The following SFXN3 variants were observed in gnomAD, a reference collection of about 807,000 sequenced individuals.
SFXN3 encodes the protein sideroflexin 3, also known as sideroflexin-3.
A neutral mutation model predicts 40.4 loss-of-function variants in SFXN3; 31 were observed. The ratio of observed to expected loss-of-function variants is 0.77; its 90% CI spans 0.58 to 1.04. SFXN3 has a LOEUF of 1.04. Ranked by LOEUF, SFXN3 falls within the 50% of genes least tolerant of loss-of-function variation. The pLI is 0.00. For missense variants in SFXN3, 366 were observed against 408.2 expected (o/e 0.90, Z 0.89); for synonymous variants, 157 against 160.0 (o/e 0.98, Z 0.14).
In SFXN3 at chr10:101,036,629, C is replaced by A; in HGVS notation, c.507+68C>A. 1 of 1,612,538 alleles carries A rather than the reference C, an allele frequency of 6.2e-7. No individual in the cohort carries two copies. Among genetic ancestry groups the A allele is most frequent in the Non-Finnish European group, 8.5e-7 (1 of 1,179,090 alleles). On this transcript the variant is annotated intron_variant, in intron 6 of 11. Coordinates refer to ENST00000393459, the Ensembl canonical transcript of SFXN3. This position sits in a 1 kb window ranked among gnomAD's most constrained non-coding sequence, Gnocchi z 4.2. ...TCTGCCTCCTTCTTCCTCATCACACCTCCAGTTCTGACCTATATGCCCCCT... is the reference window on the plus strand; with the variant it reads ...TCTGCCTCCTTCTTCCTCATCACACATCCAGTTCTGACCTATATGCCCCCT...
intron 2 of SFXN3, 89 bp from the exon 3 acceptor site, chr10:101,034,603 G>T: frequency 1.4e-6 from 2 of 1,425,886 alleles, no homozygotes; most frequent in Admixed American, 1.9e-5. Context: ...GATAAGCTCA[G>T]GGGCCAGGGC....
Position 101,034,176 on chromosome 10 carries a change from G to A in SFXN3, c.-3-516G>A, listed in dbSNP as rs1590086824. Among the ~76,000 whole-genome samples the A allele has an allele frequency of 2.0e-5, 3 of 151,918 alleles. No homozygotes were observed. In the East Asian group the frequency reaches 5.8e-4, roughly 29 times the overall value. Reference sequence around the variant, plus strand: ...CCCACGAGGCCATATTTCAGACTATGCATGGGAAGAAACCTTGGACGATAC... The same window carrying A: ...CCCACGAGGCCATATTTCAGACTATACATGGGAAGAAACCTTGGACGATAC... On this transcript the variant is annotated intron_variant, in intron 2 of 11. Transcript: ENST00000393459.
intron 3 of SFXN3, among the ~76,000 whole-genome samples, chr10:101,035,106 A>T (rs996763924): frequency 6.6e-6 from 1 of 152,232 alleles, no homozygotes; most frequent in African/African-American, 2.4e-5. Context: ...GATCTATCCC[A>T]TTGCGGGGTC....
chr10:101,032,717 G>T (rs1938353017), intron 2 of SFXN3, among the ~76,000 whole-genome samples: 1 of 152,186 alleles, frequency 6.6e-6, no homozygotes, highest in South Asian at 2.1e-4. Context: ...TTGAAGGCCG[G>T]TGTATACAGG....
chr10:101,034,196 C>T (rs922078581), intron 2 of SFXN3, among the ~76,000 whole-genome samples: 2 of 152,138 alleles, frequency 1.3e-5, no homozygotes, highest in Non-Finnish European at 2.9e-5. Flanking sequence ...AAACCTTGGA[C>T]GATACCCCGC....
intron 9 of SFXN3, 132 bp from the exon 10 acceptor site, chr10:101,038,511 G>A: frequency 6.4e-7 from 1 of 1,550,908 alleles, no homozygotes. Context: ...TCATTGCCTT[G>A]GGAGAAAGAA....
intron 3 of SFXN3, among the ~76,000 whole-genome samples, 189 bp from the exon 4 acceptor site, chr10:101,035,308 T>A (rs1023773353): frequency 1.3e-5 from 2 of 152,134 alleles, no homozygotes; most frequent in African/African-American, 4.8e-5. Flanking sequence ...ATAAGGGAAA[T>A]AGAAATAGGA....
Position 101,035,494 on chromosome 10 carries a change from C to T in SFXN3, c.162-3C>T, listed in dbSNP as rs375636717. On this transcript the variant is annotated splice_polypyrimidine_tract_variant and splice_region_variant and intron_variant, in intron 3 of 11. Transcript: ENST00000393459. Reference sequence around the variant, plus strand: ...CCTGTCTGCTCCTTGCCAACTTCTGCAGGGCCGGCGTGGTGACCCCAGGGA... The same window carrying T: ...CCTGTCTGCTCCTTGCCAACTTCTGTAGGGCCGGCGTGGTGACCCCAGGGA... 1.5e-5 allele frequency: 24 copies of T among 1,597,482 alleles called. No homozygotes were observed. The African/African-American group carries it at 2.5e-4, about 17-fold the overall frequency.
chr10:101,037,194 C>G (rs2134207512), exon 8 of SFXN3: 1 of 1,613,908 alleles, frequency 6.2e-7, no homozygotes, highest in East Asian at 2.2e-5. Context: ...CATGGCGATT[C>G]CTGCCATGGG....
At position 101,039,460 on chromosome 10, in the gene SFXN3, G is replaced by A. The variant is rs187774843; in HGVS notation, c.870-29G>A. 180 of 1,604,036 alleles carry A rather than the reference G, an allele frequency of 1.1e-4. No homozygotes were observed. The East Asian group carries it at 1.8e-3, about 16-fold the overall frequency. ...CTGAGTGGGGTTGGATTCAGGGGAC[G>A]TTAACTGGCCTGTGCTGTTCTATTG... On this transcript the variant is annotated intron_variant, in intron 11 of 11. Transcript: ENST00000393459. This position sits in a 1 kb window ranked among gnomAD's most constrained non-coding sequence, Gnocchi z 4.6.
chr10:101,031,841 G>A (rs985447851), intron 1 of SFXN3, among the ~76,000 whole-genome samples: 4 of 152,142 alleles, frequency 2.6e-5, no homozygotes, highest in East Asian at 1.9e-4. Flanking sequence ...GGGGGAGCAG[G>A]GAGAGGGCTG....
At chr10:101,038,918 A>T (rs1590089016) in intron 10 of SFXN3, among the ~76,000 whole-genome samples, 1 of 152,102 alleles carries the variant, frequency 6.6e-6, no homozygotes, top group Non-Finnish European at 1.5e-5. Flanking sequence ...CTATAAGAGG[A>T]AACCATGGAA....
chr10:101,038,562 G>T, intron 9 of SFXN3, 81 bp from the exon 10 acceptor site: 2 of 1,612,284 alleles, frequency 1.2e-6, no homozygotes, highest in Non-Finnish European at 1.7e-6. Flanking sequence ...AGGCTGATGG[G>T]ATAGAGCTAT....
intron 9 of SFXN3, 44 bp downstream of exon 9, chr10:101,037,475 G>C: frequency 1.2e-6 from 2 of 1,614,048 alleles, no homozygotes; most frequent in South Asian, 2.2e-5. Flanking sequence ...GCGATGGCTG[G>C]GAGAAGTGAC....
rs903172641 is a variant in SFXN3 at position 101,039,759 on chromosome 10, C to G, written c.*174C>G. ...GGGAGGGACCTCCATAAGGCTTTTC[C>G]TCCCTTCTCTGGTTTCAAAGATCAG... On this transcript the variant is annotated 3_prime_UTR_variant, in exon 12 of 12. Coordinates refer to ENST00000393459, the Ensembl canonical transcript of SFXN3. The surrounding 1 kb of genome is among the most constrained non-coding windows in gnomAD (Gnocchi z 4.6). 52 of 621,024 alleles carry G rather than the reference C, an allele frequency of 8.4e-5. No homozygotes were observed. Among genetic ancestry groups the G allele is most frequent in the Non-Finnish European group, 1.4e-4 (50 of 348,562 alleles). 38.5% of individuals were successfully genotyped at this position (621,024 alleles called of 1,614,324 possible).
chr10:101,038,525 G>C, intron 9 of SFXN3, 118 bp from the exon 10 acceptor site: 1 of 1,578,296 alleles, frequency 6.3e-7, no homozygotes, highest in Non-Finnish European at 8.6e-7. Context: ...GAAAGAAAAC[G>C]GCCACAGGTC....
chr10:101,035,696 A>G (rs1938563055), intron 4 of SFXN3, 29 bp downstream of exon 4: 1 of 1,590,102 alleles, frequency 6.3e-7, no homozygotes, highest in Admixed American at 1.7e-5. Flanking sequence ...CCCCTTCTTC[A>G]GTGCCCTAAG....
intron 3 of SFXN3, 25 bp downstream of exon 3, chr10:101,034,880 G>C (rs780558974): frequency 1.2e-6 from 2 of 1,602,182 alleles, no homozygotes; most frequent in African/African-American, 2.7e-5. Context: ...ATCTGACCCT[G>C]TGTGCCAGGA....
In SFXN3 at chr10:101,034,845, C is replaced by T; in HGVS notation, c.151C>T (p.Gln51Ter). 6.2e-7 allele frequency: 1 copy of T among 1,613,950 alleles called. No individual in the cohort carries two copies. Among genetic ancestry groups the T allele is most frequent in the African/African-American group, 1.3e-5 (1 of 75,042 alleles). ...GCTGGAAGCTTCTCGGAACATCGTGCAGAACTACAGGTGACCACCCCTCAA... is the reference window on the plus strand; with the variant it reads ...GCTGGAAGCTTCTCGGAACATCGTGTAGAACTACAGGTGACCACCCCTCAA... The change falls in exon 3 of 12, where the codon CAG becomes TAG. Residue 51 changes from glutamine to a stop codon, truncating the protein, a stop_gained. Coordinates refer to ENST00000393459, the Ensembl canonical transcript of SFXN3. LOFTEE classifies it high-confidence loss of function.
Sources: gnomAD v4.1 joint callset for allele counts (sites outside exome capture counted in the v4.1 genomes callset) on GRCh38, gnomAD v4.1.1 for gene constraint, Gnocchi (gnomAD v3.1) non-coding constraint, MANE v1.5 for transcripts, NCBI Gene and HGNC (gene_info 2026-07-23, HGNC 2026-07-21) for gene names.